DLGAP1: variants seen among roughly 807,000 people sequenced by gnomAD.
DLGAP1 encodes DLG associated protein 1.
A neutral mutation model predicts 90.8 loss-of-function variants in DLGAP1; 11 were observed. That is an observed-to-expected ratio of 0.12 (90% CI 0.08 to 0.20). DLGAP1 has a LOEUF of 0.20. Among genes scored for constraint, DLGAP1 ranks in the 10% least tolerant of loss-of-function variants. DLGAP1 has a pLI of 1.00. For missense variants in DLGAP1, 1,050 were observed against 1,333.8 expected (o/e 0.79, Z 3.31); for synonymous variants, 558 against 540.7 (o/e 1.03, Z -0.44).
At chr18:4,420,241 A>G (rs186799384) in intron 1 of DLGAP1, among the ~76,000 whole-genome samples, 309 of 152,348 alleles carry the variant, frequency 2.0e-3, no homozygotes, top group African/African-American at 7.0e-3. Context: ...TAGAGACTTC[A>G]ACACTTTTCT....
intron 8 of DLGAP1, among the ~76,000 whole-genome samples, chr18:3,573,899 G>A (rs981288399): frequency 5.3e-5 from 8 of 152,036 alleles, no homozygotes; most frequent in Admixed American, 2.0e-4. Flanking sequence ...ACAAGGTCTC[G>A]TTATGTTGCT....
At chr18:3,657,077 C>T (rs529477897) in intron 7 of DLGAP1, among the ~76,000 whole-genome samples, 1 of 152,280 alleles carries the variant, frequency 6.6e-6, no homozygotes, top group South Asian at 2.1e-4. Flanking sequence ...AAATACCAAA[C>T]TAAGATAAAT....
intron 3 of DLGAP1, among the ~76,000 whole-genome samples, chr18:3,898,048 C>G (rs2071691138): frequency 6.6e-6 from 1 of 152,140 alleles, no homozygotes; most frequent in Admixed American, 6.5e-5. Context: ...CCCGCCTTGG[C>G]CTCCCAAAGT....
Position 3,875,778 on chromosome 18 carries a change from C to T in DLGAP1, c.957+3334G>A, listed in dbSNP as rs190259325. ...TTAGTACTCTGACACATGTAATTTA[C>T]GAGTTTGAAAATGCATACTGAGATC... On this transcript the variant is annotated intron_variant, in intron 4 of 12. Transcript: ENST00000315677. Among the ~76,000 whole-genome samples the T allele has an allele frequency of 1.8e-4, 28 of 152,206 alleles. 1 individual carries two copies. In the East Asian group the frequency reaches 4.8e-3, roughly 26 times the overall value.
At chr18:3,602,550 G>C (rs1226741538) in intron 7 of DLGAP1, among the ~76,000 whole-genome samples, 1 of 139,994 alleles carries the variant, frequency 7.1e-6, no homozygotes, top group South Asian at 2.2e-4. Flanking sequence ...AGCCGAGATC[G>C]CGCCACCGCA....
intron 7 of DLGAP1, among the ~76,000 whole-genome samples, chr18:3,604,878 T>C (rs935610792): frequency 2.0e-5 from 3 of 151,824 alleles, no homozygotes; most frequent in African/African-American, 7.3e-5. Flanking sequence ...AAAGTAAGTC[T>C]TGTTGTGAAA....
intron 4 of DLGAP1, among the ~76,000 whole-genome samples, chr18:3,861,842 A>G (rs565032491): frequency 2.6e-4 from 39 of 152,222 alleles, no homozygotes; most frequent in Non-Finnish European, 5.0e-4. Flanking sequence ...AGCTTTTCCA[A>G]TGGGCCTGCC....
chr18:4,211,519 ATGT>A (rs1425722012), intron 1 of DLGAP1, among the ~76,000 whole-genome samples: 6 of 152,156 alleles, frequency 3.9e-5, no homozygotes, highest in African/African-American at 1.4e-4. Context: ...ATACCAATTG[ATGT>A]TGTATTAGAG....
chr18:3,859,773 T>G lies in DLGAP1; in HGVS notation c.957+19339A>C, dbSNP rs1020269076. Among the ~76,000 whole-genome samples, 3 of 152,142 alleles carry G rather than the reference T, an allele frequency of 2.0e-5. No homozygotes were observed. In the East Asian group the frequency reaches 5.8e-4, roughly 29 times the overall value. ...GATTGTAGCTCATTGAGACCCATTG[T>G]GGACTTGTAACCTGCAGAACTGTAC... On this transcript the variant is annotated intron_variant, in intron 4 of 12. Coordinates refer to ENST00000315677, the MANE Select transcript of DLGAP1 (RefSeq NM_004746.4).
chr18:3,802,019 C>G (rs1464452241), intron 5 of DLGAP1, among the ~76,000 whole-genome samples: 2 of 150,622 alleles, frequency 1.3e-5, no homozygotes, highest in Non-Finnish European at 3.0e-5. Flanking sequence ...GAGTCTTGCT[C>G]TGTCACCCAG....
Position 4,378,189 on chromosome 18 carries a change from A to G in DLGAP1, c.-267+76817T>C, listed in dbSNP as rs2082051792. On this transcript the variant is annotated intron_variant, in intron 1 of 12. Coordinates refer to ENST00000315677, the MANE Select transcript of DLGAP1 (RefSeq NM_004746.4). This position sits in a 1 kb window ranked among gnomAD's most constrained non-coding sequence, Gnocchi z 4.5. ...AAGATACTACAAACTATGGTTATCTATACGGAAGACTACTGAATGGGGGAG... is the reference window on the plus strand; with the variant it reads ...AAGATACTACAAACTATGGTTATCTGTACGGAAGACTACTGAATGGGGGAG... Among the ~76,000 whole-genome samples the G allele has an allele frequency of 6.6e-6, 1 of 151,028 alleles. No homozygotes were observed. Among genetic ancestry groups the G allele is most frequent in the South Asian group, 2.1e-4 (1 of 4,830 alleles).
intron 1 of DLGAP1, among the ~76,000 whole-genome samples, chr18:4,325,897 A>G (rs113380787): frequency 0.048 from 7,313 of 152,262 alleles, 293 homozygotes; most frequent in Non-Finnish European, 0.07. Flanking sequence ...AAAACCTAAA[A>G]CTATAAAAAC....
rs2056931862 is a variant in DLGAP1, at chr18:3,600,881, G to GATAT, written c.1592-18634_1592-18633insATAT. ...ATATATATAGATATATAGATATATA[G>GATAT]ATAGATATATAGATATATATAGATA... On this transcript the variant is annotated intron_variant, in intron 7 of 12. Transcript: ENST00000315677. 1.3e-3 allele frequency among the ~76,000 whole-genome samples: 13 copies of GATAT among 9,904 alleles called. 2 individuals are homozygous for GATAT. The highest frequency in any genetic ancestry group is 2.7e-3 in the Non-Finnish European group (8 of 2,912). 6.5% of individuals were successfully genotyped at this position (9,904 alleles called of 152,430 possible). A position where few individuals can be genotyped will look rare whatever the true frequency, so the allele number is the denominator to read the frequency against.
chr18:3,907,058 T>C (rs1226135372), intron 3 of DLGAP1, among the ~76,000 whole-genome samples: 1 of 152,228 alleles, frequency 6.6e-6, no homozygotes, highest in Non-Finnish European at 1.5e-5. Flanking sequence ...TATGGGAGGA[T>C]ATGCATATGC....
At chr18:3,982,460 T>G (rs532223713) in intron 3 of DLGAP1, among the ~76,000 whole-genome samples, 1 of 152,344 alleles carries the variant, frequency 6.6e-6, no homozygotes, top group East Asian at 1.9e-4. Context: ...TCTATATTAT[T>G]TTCTATAATA....
chr18:3,911,341 T>G (rs73940284), intron 3 of DLGAP1, among the ~76,000 whole-genome samples: 1 of 152,198 alleles, frequency 6.6e-6, no homozygotes, highest in Non-Finnish European at 1.5e-5. Flanking sequence ...AAACCCTTTT[T>G]CTGAGGGTAA....
chr18:3,820,469 A>C (rs569362813), intron 4 of DLGAP1, among the ~76,000 whole-genome samples: 26 of 152,318 alleles, frequency 1.7e-4, no homozygotes, highest in Middle Eastern at 3.4e-3. Context: ...AAGGAAAAGT[A>C]GCAATTGAAT....
At chr18:4,391,892 T>C (rs896694191) in intron 1 of DLGAP1, among the ~76,000 whole-genome samples, 8 of 152,318 alleles carry the variant, frequency 5.3e-5, no homozygotes, top group African/African-American at 1.9e-4. Flanking sequence ...TTTGATACCG[T>C]ACCCTCTTTA....
At chr18:4,452,823 C>T (rs866289516) in intron 1 of DLGAP1, among the ~76,000 whole-genome samples, 1 of 152,064 alleles carries the variant, frequency 6.6e-6, no homozygotes, top group Non-Finnish European at 1.5e-5. Flanking sequence ...CATTATTTCC[C>T]CAAAGCACAA....
Sources: allele counts gnomAD v4.1 joint callset (sites outside exome capture counted in the v4.1 genomes callset), GRCh38; gene constraint gnomAD v4.1.1; non-coding constraint Gnocchi (gnomAD v3.1); transcripts MANE v1.5; gene names NCBI Gene and HGNC (gene_info 2026-07-23, HGNC 2026-07-21).